The following ASIC2 variants were observed in gnomAD, a reference collection of about 807,000 sequenced individuals.
The protein encoded by ASIC2 is acid sensing ion channel subunit 2.
ASIC2 carries 25 observed loss-of-function variants against 57.3 expected under a neutral mutation model. The ratio of observed to expected loss-of-function variants is 0.44; its 90% CI spans 0.32 to 0.61. The LOEUF (loss-of-function observed/expected upper bound fraction) is 0.61. ASIC2 is among the 20% of genes least tolerant of loss of function. The pLI is 0.06. For missense variants in ASIC2, 641 were observed against 738.1 expected (o/e 0.87, Z 1.52); for synonymous variants, 319 against 307.5 (o/e 1.04, Z -0.39).
intron 1 of ASIC2, among the ~76,000 whole-genome samples, chr17:33,391,210 G>A (rs1343732261): frequency 1.3e-5 from 2 of 152,210 alleles, no homozygotes; most frequent in African/African-American, 2.4e-5. Context: ...TGGCCTTCCA[G>A]AAGGGATAGG....
intron 2 of ASIC2, among the ~76,000 whole-genome samples, chr17:33,106,350 C>G (rs1301202751): frequency 6.6e-6 from 1 of 152,074 alleles, no homozygotes; most frequent in East Asian, 1.9e-4. Flanking sequence ...CTAATTAACA[C>G]TAGGATTTGG....
At chr17:33,684,462 C>T (rs1447430746) in intron 1 of ASIC2, among the ~76,000 whole-genome samples, 1 of 151,358 alleles carries the variant, frequency 6.6e-6, no homozygotes, top group Non-Finnish European at 1.5e-5. Context: ...AAATATTGTT[C>T]ATGACGACCC....
At chr17:33,842,825 T>G (rs1913480102) in intron 1 of ASIC2, among the ~76,000 whole-genome samples, 1 of 152,218 alleles carries the variant, frequency 6.6e-6, no homozygotes, top group African/African-American at 2.4e-5. Context: ...CCACTCACTA[T>G]GTACTGACAC....
intron 1 of ASIC2, among the ~76,000 whole-genome samples, chr17:33,952,828 A>C (rs958442656): frequency 1.2e-4 from 18 of 152,342 alleles, no homozygotes; most frequent in African/African-American, 4.1e-4. Context: ...ATATTATGTA[A>C]CCATCAAAAA....
chr17:33,203,306 T>A (rs2142080467), intron 1 of ASIC2, among the ~76,000 whole-genome samples: 1 of 152,352 alleles, frequency 6.6e-6, no homozygotes, highest in South Asian at 2.1e-4. Context: ...CCATGTGCTT[T>A]TTCAAAGCTT....
chr17:33,329,884 A>C (rs1254013484), intron 1 of ASIC2, among the ~76,000 whole-genome samples: 1 of 152,168 alleles, frequency 6.6e-6, no homozygotes. Flanking sequence ...CAGGAGGAGA[A>C]TGTCTTCAGC....
chr17:33,781,633 G>A (rs895755718), intron 1 of ASIC2, among the ~76,000 whole-genome samples: 1 of 152,172 alleles, frequency 6.6e-6, no homozygotes, highest in African/African-American at 2.4e-5. Flanking sequence ...AGTCAGCCCT[G>A]CTCCACATAG....
chr17:33,905,140 G>C (rs1290549183), intron 1 of ASIC2, among the ~76,000 whole-genome samples: 1 of 127,320 alleles, frequency 7.9e-6, no homozygotes, highest in Non-Finnish European at 1.6e-5. Context: ...CTAGTTTAAG[G>C]CTTTTTTTTT....
chr17:33,914,890 G>C (rs72818969), intron 1 of ASIC2, among the ~76,000 whole-genome samples: 10 of 152,306 alleles, frequency 6.6e-5, no homozygotes, highest in Non-Finnish European at 1.3e-4. Context: ...TGACAAGAAT[G>C]CCCATAGGCC....
chr17:33,949,329 C>T (rs1904486296), intron 1 of ASIC2, among the ~76,000 whole-genome samples: 1 of 152,136 alleles, frequency 6.6e-6, no homozygotes, highest in Non-Finnish European at 1.5e-5. Context: ...ACACTGCCCC[C>T]TAGCTGTTCG....
intron 1 of ASIC2, among the ~76,000 whole-genome samples, chr17:33,177,123 G>A (rs947794628): frequency 6.6e-6 from 1 of 152,158 alleles, no homozygotes; most frequent in Admixed American, 6.5e-5. Flanking sequence ...CTAATTCAGG[G>A]GTGGGGAAGC....
chr17:33,096,932 A>G (rs1020518024), intron 2 of ASIC2, among the ~76,000 whole-genome samples: 1 of 152,204 alleles, frequency 6.6e-6, no homozygotes, highest in Non-Finnish European at 1.5e-5. Context: ...TGGCAGGGAC[A>G]AGGTCAGAGG....
chr17:33,772,399 A>G (rs1567711706), intron 1 of ASIC2, among the ~76,000 whole-genome samples: 2 of 152,202 alleles, frequency 1.3e-5, no homozygotes, highest in Non-Finnish European at 1.5e-5. Flanking sequence ...GAACTTAAGT[A>G]TAAAGATGGA....
At chr17:33,265,455 C>T (rs951143442) in intron 1 of ASIC2, among the ~76,000 whole-genome samples, 2 of 152,032 alleles carry the variant, frequency 1.3e-5, no homozygotes, top group Admixed American at 6.5e-5. Context: ...GGGAGCTGAA[C>T]AATGAGAACA....
At chr17:33,280,108 C>T (rs181186825) in intron 1 of ASIC2, among the ~76,000 whole-genome samples, 1 of 152,220 alleles carries the variant, frequency 6.6e-6, no homozygotes, top group East Asian at 1.9e-4. Flanking sequence ...GTTCCTGCCC[C>T]ATTTTCGTCT....
At chr17:33,371,504 A>G (rs1178412590) in intron 1 of ASIC2, among the ~76,000 whole-genome samples, 1 of 152,208 alleles carries the variant, frequency 6.6e-6, no homozygotes, top group African/African-American at 2.4e-5. Flanking sequence ...GAATCTTACT[A>G]AAACCTTCCT....
chr17:33,194,220 G>A (rs1906538682), intron 1 of ASIC2, among the ~76,000 whole-genome samples: 1 of 152,126 alleles, frequency 6.6e-6, no homozygotes, highest in Non-Finnish European at 1.5e-5. Context: ...TCACTTTTCT[G>A]CACGCTAAAA....
intron 1 of ASIC2, chr17:34,039,849 C>G: frequency 6.2e-7 from 1 of 1,606,086 alleles, no homozygotes. Context: ...GTCGTGGGTC[C>G]AGGCTATGCA....
intron 1 of ASIC2, among the ~76,000 whole-genome samples, chr17:33,524,511 T>C (rs1397976223): frequency 6.6e-6 from 1 of 152,200 alleles, no homozygotes; most frequent in African/African-American, 2.4e-5. Flanking sequence ...TTTACCAGTA[T>C]TGTTTCTGTA....
Sources: allele counts gnomAD v4.1 joint callset (sites outside exome capture counted in the v4.1 genomes callset), GRCh38; gene constraint gnomAD v4.1.1; transcripts MANE v1.5; gene names NCBI Gene and HGNC (gene_info 2026-07-23, HGNC 2026-07-21).